CNOT6L: variants seen among roughly 807,000 people sequenced by gnomAD.
CNOT6L encodes the protein CCR4-NOT transcription complex subunit 6-like.
In CNOT6L, 7 loss-of-function variants were observed where a neutral mutation model predicts 64.0. That is an observed-to-expected ratio of 0.11 (90% CI 0.06 to 0.21). The LOEUF (loss-of-function observed/expected upper bound fraction) is 0.21. CNOT6L is among the 10% of genes least tolerant of loss of function. The probability of loss-of-function intolerance (pLI) is 1.00; values close to 1 mark genes in which losing one functional copy is unlikely to be tolerated. For synonymous variants in CNOT6L, 193 were observed against 243.4 expected, an observed-to-expected ratio of 0.79 and a Z score of 1.93; for missense variants, 245 against 669.0, an observed-to-expected ratio of 0.37 and a Z score of 6.99.
chr4:77,804,779 C>T (rs1210211341), intron 1 of CNOT6L, among the ~76,000 whole-genome samples: 2 of 151,534 alleles, frequency 1.3e-5, no homozygotes, highest in African/African-American at 4.9e-5. Context: ...CAACTTTCAT[C>T]CTACAATTTT....
intron 8 of CNOT6L, among the ~76,000 whole-genome samples, chr4:77,732,492 G>A (rs1236966547): frequency 6.6e-6 from 1 of 152,010 alleles, no homozygotes; most frequent in Admixed American, 6.6e-5. Context: ...GAAAACAGAA[G>A]CTAGTTTCTG....
At chr4:77,794,150 CAAAAAAA>C (rs10649868) in intron 1 of CNOT6L, among the ~76,000 whole-genome samples, 15 of 52,026 alleles carry the variant, frequency 2.9e-4, no homozygotes, top group African/African-American at 4.1e-4. Context: ...GACTCTGTCT[CAAAAAAA>C]AAAAAAAAAA....
At chr4:77,800,743 T>A (rs1731439773) in intron 1 of CNOT6L, among the ~76,000 whole-genome samples, 1 of 152,112 alleles carries the variant, frequency 6.6e-6, no homozygotes, top group Admixed American at 6.6e-5. Context: ...AAGTCTCCAT[T>A]AAAAACAGTA....
chr4:77,773,245 T>C, intron 3 of CNOT6L, 79 bp from the exon 4 acceptor site: 1 of 820,758 alleles, frequency 1.2e-6, no homozygotes, highest in Non-Finnish European at 1.9e-6. Context: ...TTAAGGCTCC[T>C]TCTAACATAC....
chr4:77,780,949 G>T (rs1344840099), intron 1 of CNOT6L, among the ~76,000 whole-genome samples: 2 of 151,994 alleles, frequency 1.3e-5, no homozygotes, highest in Non-Finnish European at 2.9e-5. Context: ...ACTCTAGCCT[G>T]GGCAACACAG....
intron 4 of CNOT6L, among the ~76,000 whole-genome samples, chr4:77,766,578 T>A (rs1201776768): frequency 6.6e-6 from 1 of 151,400 alleles, no homozygotes; most frequent in Non-Finnish European, 1.5e-5. Context: ...GCAGATGAAA[T>A]GATTACTGCA....
In CNOT6L at chr4:77,761,852, G is replaced by A. The variant is rs755820027; in HGVS notation, c.401-4901C>T. 5.9e-5 allele frequency among the ~76,000 whole-genome samples: 9 copies of A among 152,022 alleles called. No individual in the cohort carries two copies. The South Asian group carries it at 1.0e-3, about 18-fold the overall frequency. On this transcript the variant is annotated intron_variant, in intron 4 of 11. Transcript: ENST00000504123. ...AACTGTGTTCACAGATCAAGAGTTC[G>A]TAAAAAGCTCCAAGAAAAAGTAAAT...
chr4:77,741,115 T>C (rs1264890015), intron 8 of CNOT6L, among the ~76,000 whole-genome samples: 1 of 152,214 alleles, frequency 6.6e-6, no homozygotes, highest in East Asian at 1.9e-4. Context: ...ACCAAACCAT[T>C]AGAAGAATTT....
intron 1 of CNOT6L, among the ~76,000 whole-genome samples, chr4:77,818,529 G>C (rs2110203043): frequency 6.6e-6 from 1 of 152,270 alleles, no homozygotes; most frequent in Non-Finnish European, 1.5e-5. Context: ...CACAGCCTTA[G>C]GGGAAGGATG....
upstream of CNOT6L, chr4:77,819,755 G>C (rs1247354682): frequency 6.6e-6 from 1 of 151,956 alleles, no homozygotes; most frequent in Non-Finnish European, 1.5e-5. Context: ...CCGGCCGGAG[G>C]GGATGCGGGG....
chr4:77,769,481 A>G (rs1366761855), intron 4 of CNOT6L, among the ~76,000 whole-genome samples: 2 of 152,122 alleles, frequency 1.3e-5, no homozygotes, highest in African/African-American at 4.8e-5. Flanking sequence ...GATCAGGTCC[A>G]ATTTTAGACC....
chr4:77,789,415 C>T (rs1219499156), intron 1 of CNOT6L, among the ~76,000 whole-genome samples: 1 of 151,930 alleles, frequency 6.6e-6, no homozygotes, highest in African/African-American at 2.4e-5. Context: ...AAAAGTCAGT[C>T]TTTTTTTGTT....
intron 7 of CNOT6L, among the ~76,000 whole-genome samples, chr4:77,743,520 A>G (rs1723827790): frequency 6.6e-6 from 1 of 151,872 alleles, no homozygotes; most frequent in African/African-American, 2.4e-5. Context: ...TGTTACATAA[A>G]AAAATTTTTA....
chr4:77,779,065 AAAAAAAAAC>A lies in CNOT6L; in HGVS notation c.6-2682_6-2674del, dbSNP rs1560419947. On this transcript the variant is annotated intron_variant, in intron 1 of 11. Coordinates refer to ENST00000504123, the MANE Select transcript of CNOT6L (RefSeq NM_144571.3). ...CTGTCTCAAAAAAAAAAAAAAAACA[AAAAAAAAAC>A]ACAAAAAACACACAGGCATAGGATT... Among the ~76,000 whole-genome samples the A allele has an allele frequency of 8.7e-5, 9 of 103,002 alleles. No individual in the cohort carries two copies. The East Asian group carries it at 1.5e-3, about 17-fold the overall frequency. 67.6% of individuals were successfully genotyped at this position (103,002 alleles called of 152,430 possible).
rs199946358 is a variant in CNOT6L at position 77,728,894 on chromosome 4, C to T, written c.1212G>A (p.Pro404=). The T allele has an allele frequency of 1.4e-4, 230 of 1,613,618 alleles. 1 individual carries two copies. The African/African-American group carries it at 2.7e-3, about 19-fold the overall frequency. Residue 404 remains proline, a synonymous_variant, in exon 10 of 12, where the codon CCG becomes CCA. Coordinates refer to ENST00000504123, the MANE Select transcript of CNOT6L (RefSeq NM_144571.3). ...GSPTADPNSI[P]LVLCADLNSL... ...AGTTAAGATCTGCACATAGCACCAG[C>T]GGGATGGAATTAGGATCTGCAGTTG...
chr4:77,741,000 T>G (rs1053467335), intron 8 of CNOT6L, among the ~76,000 whole-genome samples: 3 of 152,182 alleles, frequency 2.0e-5, no homozygotes, highest in African/African-American at 7.2e-5. Flanking sequence ...CTTCATGATG[T>G]TCCCACAACA....
At chr4:77,805,262 T>C (rs868303662) in intron 1 of CNOT6L, among the ~76,000 whole-genome samples, 2 of 152,134 alleles carry the variant, frequency 1.3e-5, no homozygotes, top group East Asian at 3.8e-4. Context: ...AAAGAGTACA[T>C]ATTATTTCCC....
intron 1 of CNOT6L, among the ~76,000 whole-genome samples, chr4:77,793,445 T>C (rs954869039): frequency 6.6e-6 from 1 of 152,204 alleles, no homozygotes; most frequent in Non-Finnish European, 1.5e-5. Flanking sequence ...ATCTTTATTT[T>C]AGAGTGGCAT....
intron 1 of CNOT6L, among the ~76,000 whole-genome samples, chr4:77,784,091 T>C (rs1729181633): frequency 6.6e-6 from 1 of 152,110 alleles, no homozygotes; most frequent in African/African-American, 2.4e-5. Context: ...TACAGGAAGC[T>C]TCTGGCTCTG....
Sources: gnomAD v4.1 joint callset for allele counts (sites outside exome capture counted in the v4.1 genomes callset) on GRCh38, gnomAD v4.1.1 for gene constraint, MANE v1.5 for transcripts, NCBI Gene and HGNC (gene_info 2026-07-23, HGNC 2026-07-21) for gene names.